Variants in KLHL36 observed in about 807,000 individuals in gnomAD.
KLHL36 encodes the protein kelch like family member 36, also known as kelch-like protein 36.
In KLHL36, 35 loss-of-function variants were observed where a neutral mutation model predicts 53.3. That is an observed-to-expected ratio of 0.66 (90% CI 0.50 to 0.87). The LOEUF (loss-of-function observed/expected upper bound fraction) is 0.87, where lower values mean the gene tolerates loss of function less well. Ranked by LOEUF, KLHL36 falls within the 40% of genes least tolerant of loss-of-function variation. The pLI, the probability that KLHL36 is intolerant of heterozygous loss-of-function variation, is 0.00. For missense variants in KLHL36, 864 were observed against 897.6 expected, an observed-to-expected ratio of 0.96 and a Z score of 0.48; for synonymous variants, 472 against 398.9, an observed-to-expected ratio of 1.18 and a Z score of -2.18.
chr16:84,655,934 C>T (rs932973426), intron 2 of KLHL36, among the ~76,000 whole-genome samples: 6 of 151,532 alleles, frequency 4.0e-5, no homozygotes, highest in African/African-American at 1.5e-4. Flanking sequence ...TTTTTGTCGT[C>T]CAGGCTGGAG....
chr16:84,650,999 A>G (rs747918251), intron 2 of KLHL36, 69 bp downstream of exon 2: 127 of 1,295,296 alleles, frequency 9.8e-5, no homozygotes, highest in Non-Finnish European at 1.3e-4. Context: ...TGATTCACTC[A>G]TTTCTAATCA....
At chr16:84,652,800 A>G (rs1906978017) in intron 2 of KLHL36, among the ~76,000 whole-genome samples, 1 of 152,196 alleles carries the variant, frequency 6.6e-6, no homozygotes, top group African/African-American at 2.4e-5. Flanking sequence ...CTTTTGTGCA[A>G]CATTGTGCCT....
rs1236251308 is a variant in KLHL36 at position 84,666,235 on chromosome 16, G to T, written c.*4102G>T. The T allele has an allele frequency of 1.3e-5, 2 of 152,172 alleles. No individual in the cohort carries two copies. The highest frequency in any genetic ancestry group is 2.1e-4 in the South Asian group (1 of 4,824). 9.4% of individuals were successfully genotyped at this position (152,172 alleles called of 1,614,324 possible). A position where few individuals can be genotyped will look rare whatever the true frequency, so the allele number is the denominator to read the frequency against. On this transcript the variant is annotated 3_prime_UTR_variant, in exon 5 of 5. Coordinates refer to ENST00000564996, the MANE Select transcript of KLHL36 (RefSeq NM_024731.4). Reference sequence around the variant, plus strand: ...AACTGTTTTGTAGAATGCCTGCCGGGGTTTTCCACCTCATCCCTTTCCTCC... The same window carrying T: ...AACTGTTTTGTAGAATGCCTGCCGGTGTTTTCCACCTCATCCCTTTCCTCC...
chr16:84,655,556 T>G (rs1431694887), intron 2 of KLHL36, among the ~76,000 whole-genome samples: 1 of 150,450 alleles, frequency 6.6e-6, no homozygotes, highest in African/African-American at 2.4e-5. Context: ...ATTTTAAAAT[T>G]AGCCAGGCAT....
chr16:84,661,459 C>A lies in KLHL36; in HGVS notation c.1296-119C>A, dbSNP rs1907540110. 2.0e-6 allele frequency: 2 copies of A among 995,510 alleles called. No homozygotes were observed. The highest frequency in any genetic ancestry group is 1.6e-5 in the African/African-American group (1 of 61,632). The allele number at this position is 995,510 out of a possible 1,614,324, so 61.7% of individuals were successfully genotyped here. On this transcript the variant is annotated intron_variant, in intron 4 of 4. Coordinates refer to ENST00000564996, the MANE Select transcript of KLHL36 (RefSeq NM_024731.4). This position sits in a 1 kb window ranked among gnomAD's most constrained non-coding sequence, Gnocchi z 7.9. ...CTATAGAGTGTTCATGGGGTGCCCACTCCCTATATTCTTAAATCCTCATGG... is the reference window on the plus strand; with the variant it reads ...CTATAGAGTGTTCATGGGGTGCCCAATCCCTATATTCTTAAATCCTCATGG...
rs1304316508 is a variant in KLHL36, at chr16:84,651,778, A to G, written c.63+848A>G. On this transcript the variant is annotated intron_variant, in intron 2 of 4. Transcript: ENST00000564996. Reference sequence around the variant, plus strand: ...ATGCATAAGACACAATTATACATACAGTACATGAGCAGACATACAGTGCAT... The same window carrying G: ...ATGCATAAGACACAATTATACATACGGTACATGAGCAGACATACAGTGCAT... Among the ~76,000 whole-genome samples the G allele has an allele frequency of 2.0e-5, 3 of 152,234 alleles. No individual in the cohort carries two copies. The East Asian group carries it at 5.8e-4, about 29-fold the overall frequency.
rs914361068 is a variant in KLHL36 at position 84,661,450 on chromosome 16, G to C, written c.1296-128G>C. The C allele has an allele frequency of 8.1e-6, 7 of 869,052 alleles. No individual in the cohort carries two copies. Among genetic ancestry groups the C allele is most frequent in the East Asian group, 2.5e-5 (1 of 40,020 alleles). 53.8% of individuals were successfully genotyped at this position (869,052 alleles called of 1,614,324 possible). On this transcript the variant is annotated intron_variant, in intron 4 of 4. Coordinates refer to ENST00000564996, the MANE Select transcript of KLHL36 (RefSeq NM_024731.4). The surrounding 1 kb of genome is among the most constrained non-coding windows in gnomAD (Gnocchi z 7.9). ...GGCTACTGTCTATAGAGTGTTCATG[G>C]GGTGCCCACTCCCTATATTCTTAAA...
chr16:84,654,503 A>C (rs556908236), intron 2 of KLHL36, among the ~76,000 whole-genome samples: 9 of 152,310 alleles, frequency 5.9e-5, no homozygotes, highest in Admixed American at 2.0e-4. Context: ...AAAGTAAAAA[A>C]TAGCTGGATA....
Position 84,661,999 on chromosome 16 carries a change from G to T in KLHL36, c.1717G>T (p.Asp573Tyr). 6.3e-7 allele frequency: 1 copy of T among 1,593,654 alleles called. No individual in the cohort carries two copies. Among genetic ancestry groups the T allele is most frequent in the Non-Finnish European group, 8.5e-7 (1 of 1,171,564 alleles). ...CGTGCAGGTGTACGACCGCGAGGCCGACAAGTGGAGCAGGGGCGTCGACCT... is the reference window on the plus strand; with the variant it reads ...CGTGCAGGTGTACGACCGCGAGGCCTACAAGTGGAGCAGGGGCGTCGACCT... ...KTVQVYDREA[D>Y]KWSRGVDLPK... The change falls in exon 5 of 5, where the codon GAC becomes TAC. Residue 573 changes from aspartate to tyrosine, a missense_variant. By Grantham distance (160) the Asp-to-Tyr change is radical. Coordinates refer to ENST00000564996, the MANE Select transcript of KLHL36 (RefSeq NM_024731.4). This position sits in a 1 kb window ranked among gnomAD's most constrained non-coding sequence, Gnocchi z 7.9.
At position 84,663,987 on chromosome 16, in the gene KLHL36, A is replaced by T. The variant is rs1368080049; in HGVS notation, c.*1854A>T. 2 of 152,202 alleles carry T rather than the reference A, an allele frequency of 1.3e-5. No homozygotes were observed. The highest frequency in any genetic ancestry group is 4.8e-5 in the African/African-American group (2 of 41,464). The allele number at this position is 152,202 out of a possible 1,614,324, so 9.4% of individuals were successfully genotyped here. A position where few individuals can be genotyped will look rare whatever the true frequency, so the allele number is the denominator to read the frequency against. On this transcript the variant is annotated 3_prime_UTR_variant, in exon 5 of 5. Coordinates refer to ENST00000564996, the MANE Select transcript of KLHL36 (RefSeq NM_024731.4). ...TGTTGAGAGGTTCTGCGAGGCATAC[A>T]AACAAACAGACCAAAAGGCTGGAAA... is the stretch of plus-strand genomic sequence containing the variant.
chr16:84,657,102 G>A lies in KLHL36; in HGVS notation c.295G>A (p.Ala99Thr). ...LIGASYIGLKAVVDFLYGGEL... is the reference protein window; with the variant it reads ...LIGASYIGLKTVVDFLYGGEL... ...CGGCGCCTCCTACATTGGGCTCAAG[G>A]CCGTGGTGGACTTCCTGTACGGCGG... Residue 99 changes from alanine (A) to threonine (T), a missense_variant, in exon 3 of 5, where the codon GCC becomes ACC. Transcript: ENST00000564996. 2 of 1,614,090 alleles carry A rather than the reference G, an allele frequency of 1.2e-6. No individual in the cohort carries two copies. Among genetic ancestry groups the A allele is most frequent in the East Asian group, 4.5e-5 (2 of 44,902 alleles).
rs969695224 is a variant in KLHL36 at position 84,665,675 on chromosome 16, G to T, written c.*3542G>T. On this transcript the variant is annotated 3_prime_UTR_variant, in exon 5 of 5. Transcript: ENST00000564996. ...GAGACCCAGAAACTCACCCTAAGGG[G>T]TGTTCACCTTTGAGGTGGGCATCCA... 1 of 152,360 alleles carries T rather than the reference G, an allele frequency of 6.6e-6. No homozygotes were observed. The highest frequency in any genetic ancestry group is 1.5e-5 in the Non-Finnish European group (1 of 68,056). 9.4% of individuals were successfully genotyped at this position (152,360 alleles called of 1,614,324 possible). A position where few individuals can be genotyped will look rare whatever the true frequency, so the allele number is the denominator to read the frequency against.
At position 84,656,951 on chromosome 16, in the gene KLHL36, C is replaced by A; in HGVS notation, c.144C>A (p.Val48=). 6.2e-7 allele frequency: 1 copy of A among 1,613,754 alleles called. No homozygotes were observed. The highest frequency in any genetic ancestry group is 8.5e-7 in the Non-Finnish European group (1 of 1,180,036). Residue 48 remains valine (V), a synonymous_variant, in exon 3 of 5, where the codon GTC becomes GTA. Coordinates refer to ENST00000564996, the MANE Select transcript of KLHL36 (RefSeq NM_024731.4). ...EQRLRGLFCD[V]VLVADEQRVP... ...GTCTCCGCGGGCTCTTCTGCGACGT[C>A]GTCCTGGTGGCCGATGAGCAGCGTG...
chr16:84,653,400 A>G (rs28756832), intron 2 of KLHL36, among the ~76,000 whole-genome samples: 3,573 of 152,212 alleles, frequency 0.023, 145 homozygotes, highest in African/African-American at 0.081. Flanking sequence ...ATATCATCAG[A>G]GAATGCTGTG....
At chr16:84,658,142 G>C (rs1012907646) in intron 3 of KLHL36, 198 bp downstream of exon 3, 2 of 498,416 alleles carry the variant, frequency 4.0e-6, no homozygotes, top group African/African-American at 3.9e-5. Flanking sequence ...ACCCCTTCGA[G>C]GGGTCCGTCA....
rs982021088 is a variant in KLHL36, at chr16:84,667,240, T to G, written c.*5107T>G. 3 of 152,100 alleles carry G rather than the reference T, an allele frequency of 2.0e-5. No individual in the cohort carries two copies. Among genetic ancestry groups the G allele is most frequent in the Non-Finnish European group, 2.9e-5 (2 of 68,044 alleles). 9.4% of individuals were successfully genotyped at this position (152,100 alleles called of 1,614,324 possible). A position where few individuals can be genotyped will look rare whatever the true frequency, so the allele number is the denominator to read the frequency against. On this transcript the variant is annotated 3_prime_UTR_variant, in exon 5 of 5. Transcript: ENST00000564996. ...CTTAAAGCCATCTTTACAGATTGCT[T>G]GTAATGTAAGGAAAGAGTCATGTCC...
chr16:84,662,267 T>G lies in KLHL36; in HGVS notation c.*134T>G. On this transcript the variant is annotated 3_prime_UTR_variant, in exon 5 of 5. Coordinates refer to ENST00000564996, the MANE Select transcript of KLHL36 (RefSeq NM_024731.4). Reference sequence around the variant, plus strand: ...TTTTACTTTTATGATTCTTGGTATTTCTATGATATCACAGTAACCAATTAA... The same window carrying G: ...TTTTACTTTTATGATTCTTGGTATTGCTATGATATCACAGTAACCAATTAA... 1.3e-6 allele frequency: 1 copy of G among 785,232 alleles called. No homozygotes were observed. The highest frequency in any genetic ancestry group is 2.0e-6 in the Non-Finnish European group (1 of 508,740). The allele number at this position is 785,232 out of a possible 1,614,324, so 48.6% of individuals were successfully genotyped here. A position where few individuals can be genotyped will look rare whatever the true frequency, so the allele number is the denominator to read the frequency against.
At chr16:84,658,117 A>G (rs1408703661) in intron 3 of KLHL36, 173 bp downstream of exon 3, 2 of 553,298 alleles carry the variant, frequency 3.6e-6, no homozygotes, top group Admixed American at 3.7e-5. Context: ...GGACAGGGAG[A>G]GGGAGAGCCG....
At chr16:84,660,592 G>A (rs8053334) in intron 4 of KLHL36, among the ~76,000 whole-genome samples, 4 of 152,016 alleles carry the variant, frequency 2.6e-5, no homozygotes, top group Non-Finnish European at 4.4e-5. Context: ...CCAGGTGTCC[G>A]TAAGAGTTAG....
Sources: allele counts gnomAD v4.1 joint callset (sites outside exome capture counted in the v4.1 genomes callset), GRCh38; gene constraint gnomAD v4.1.1; non-coding constraint Gnocchi (gnomAD v3.1); transcripts MANE v1.5; gene names NCBI Gene and HGNC (gene_info 2026-07-23, HGNC 2026-07-21).